The following NSG1 variants were observed in gnomAD, a reference collection of about 807,000 sequenced individuals.
NSG1 encodes neuronal vesicle trafficking-associated protein 1.
NSG1 carries 9 observed loss-of-function variants against 19.3 expected under a neutral mutation model. The observed-to-expected ratio is 0.47, with a 90% confidence interval of 0.28 to 0.81. NSG1 has a LOEUF of 0.81. NSG1 is among the 40% of genes least tolerant of loss of function. The pLI is 0.11. For synonymous variants in NSG1, 104 were observed against 107.0 expected, an observed-to-expected ratio of 0.97 and a Z score of 0.17; for missense variants, 236 against 242.4, an observed-to-expected ratio of 0.97 and a Z score of 0.18.
intron 4 of NSG1, among the ~76,000 whole-genome samples, chr4:4,412,104 G>T (rs1389199457): frequency 6.6e-6 from 1 of 152,202 alleles, no homozygotes; most frequent in African/African-American, 2.4e-5. Context: ...GGAGGTTTCA[G>T]CTCCGTGACA....
At chr4:4,393,852 C>T (rs987438833) in intron 3 of NSG1, among the ~76,000 whole-genome samples, 1 of 152,152 alleles carries the variant, frequency 6.6e-6, no homozygotes, top group African/African-American at 2.4e-5. Flanking sequence ...AGACCCCATC[C>T]CTTCCATCTC....
At position 4,396,357 on chromosome 4, in the gene NSG1, C is replaced by T. The variant is rs1297317329; in HGVS notation, c.246+4766C>T. 5.3e-5 allele frequency among the ~76,000 whole-genome samples: 8 copies of T among 152,134 alleles called. 1 individual carries two copies. The South Asian group carries it at 1.2e-3, about 24-fold the overall frequency. ...CGTGCTTCGTGATTCCGGTGATGAC[C>T]GGTTGCTGACGCTGGAGAGGTCTCC... On this transcript the variant is annotated intron_variant, in intron 3 of 4. Transcript: ENST00000621129.
intron 4 of NSG1, among the ~76,000 whole-genome samples, chr4:4,409,972 T>A (rs1463609264): frequency 1.3e-5 from 2 of 152,118 alleles, no homozygotes; most frequent in African/African-American, 4.8e-5. Context: ...CCAGCCAGGG[T>A]CTGCCGTGGG....
At chr4:4,416,040 C>T in intron 4 of NSG1, 1 of 699,026 alleles carries the variant, frequency 1.4e-6, no homozygotes, top group Non-Finnish European at 2.6e-6. Flanking sequence ...TTTTGGCTTT[C>T]TTTTCTGTCC....
At chr4:4,412,416 T>C (rs921472981) in intron 4 of NSG1, among the ~76,000 whole-genome samples, 3 of 151,504 alleles carry the variant, frequency 2.0e-5, no homozygotes, top group African/African-American at 7.3e-5. Context: ...GCCTTGGGAA[T>C]TGAGAGTCCC....
At chr4:4,403,493 C>T (rs1723680755) in intron 3 of NSG1, among the ~76,000 whole-genome samples, 1 of 152,206 alleles carries the variant, frequency 6.6e-6, no homozygotes, top group Non-Finnish European at 1.5e-5. Flanking sequence ...CAAGTCGCCG[C>T]CTCCTCAGCA....
intron 3 of NSG1, among the ~76,000 whole-genome samples, chr4:4,402,371 A>ATTTTTTTTTTTTTTTTTTTTTTTTTTT (rs1161754574): frequency 1.9e-5 from 1 of 53,912 alleles, no homozygotes; most frequent in Non-Finnish European, 3.4e-5. Context: ...ACGCCTGGTT[A>ATTTTTTTTTTTTTTTTTTTTTTTTTTT]TTTTTTTTTT....
chr4:4,391,117 C>T (rs905695897), intron 2 of NSG1, among the ~76,000 whole-genome samples: 50 of 152,214 alleles, frequency 3.3e-4, no homozygotes, highest in African/African-American at 1.1e-3. Flanking sequence ...TCCCAGCTTC[C>T]TGGGCCAAGC....
At chr4:4,389,261 C>A (rs894742327) in intron 2 of NSG1, among the ~76,000 whole-genome samples, 2 of 152,214 alleles carry the variant, frequency 1.3e-5, no homozygotes, top group African/African-American at 4.8e-5. Context: ...GGTATGAAAT[C>A]CTCACCAACT....
chr4:4,414,921 G>A (rs1443838090), intron 4 of NSG1, among the ~76,000 whole-genome samples: 2 of 151,876 alleles, frequency 1.3e-5, no homozygotes, highest in Non-Finnish European at 2.9e-5. Context: ...GACGTGGCCC[G>A]AGAGGACACT....
intron 3 of NSG1, among the ~76,000 whole-genome samples, chr4:4,405,441 T>C (rs1723800195): frequency 6.6e-6 from 1 of 152,196 alleles, no homozygotes; most frequent in South Asian, 2.1e-4. Context: ...TGTGGTCTCT[T>C]GTCCTTCTCC....
intron 2 of NSG1, among the ~76,000 whole-genome samples, chr4:4,389,610 G>A (rs1303399543): frequency 1.3e-5 from 2 of 152,274 alleles, no homozygotes; most frequent in Non-Finnish European, 2.9e-5. Flanking sequence ...TGTCTCTCAC[G>A]TAAGACCTCT....
At chr4:4,414,016 G>T (rs1300927582) in intron 4 of NSG1, among the ~76,000 whole-genome samples, 6 of 152,112 alleles carry the variant, frequency 3.9e-5, no homozygotes, top group African/African-American at 1.4e-4. Flanking sequence ...GCAGAGGACA[G>T]CTTCCTGGGG....
At position 4,387,596 on chromosome 4, in the gene NSG1, C is replaced by A; in HGVS notation, c.-26-8C>A. The A allele has an allele frequency of 1.3e-6, 2 of 1,598,230 alleles. No homozygotes were observed. Among genetic ancestry groups the A allele is most frequent in the Non-Finnish European group, 8.5e-7 (1 of 1,171,048 alleles). On this transcript the variant is annotated splice_region_variant and splice_polypyrimidine_tract_variant and intron_variant, in intron 1 of 4. Transcript: ENST00000621129. ...TTGTGGTGACTCCCCCCGGCCCTCCCGCCGCAGGCTGCAGCCTCGGAGCTC... is the reference window on the plus strand; with the variant it reads ...TTGTGGTGACTCCCCCCGGCCCTCCAGCCGCAGGCTGCAGCCTCGGAGCTC...
chr4:4,391,280 A>T (rs529369872), intron 2 of NSG1, among the ~76,000 whole-genome samples, 195 bp from the exon 3 acceptor site: 1 of 152,232 alleles, frequency 6.6e-6, no homozygotes, highest in Non-Finnish European at 1.5e-5. Context: ...TGGGACTGCT[A>T]TCAGGATTAT....
intron 3 of NSG1, among the ~76,000 whole-genome samples, chr4:4,395,806 A>ATC (rs1215967607): frequency 6.6e-6 from 1 of 152,220 alleles, no homozygotes; most frequent in Non-Finnish European, 1.5e-5. Context: ...TCCGATCTTG[A>ATC]AGTGACAGGT....
intron 3 of NSG1, among the ~76,000 whole-genome samples, chr4:4,401,644 C>G (rs1460469952): frequency 6.6e-6 from 1 of 152,152 alleles, no homozygotes; most frequent in Admixed American, 6.5e-5. Flanking sequence ...CAGGGTGACG[C>G]TGTGGGACCG....
At chr4:4,414,967 C>A (rs1257930477) in intron 4 of NSG1, among the ~76,000 whole-genome samples, 3 of 151,890 alleles carry the variant, frequency 2.0e-5, no homozygotes, top group African/African-American at 7.3e-5. Context: ...AAAACAACAA[C>A]AACATGAAAT....
At chr4:4,399,506 G>T (rs986501696) in intron 3 of NSG1, among the ~76,000 whole-genome samples, 8 of 9,478 alleles carry the variant, frequency 8.4e-4, no homozygotes, top group African/African-American at 1.6e-3. Flanking sequence ...GCCCTTGTAA[G>T]ATATGCTTAT....
Sources: gnomAD v4.1 joint callset for allele counts (sites outside exome capture counted in the v4.1 genomes callset) on GRCh38, gnomAD v4.1.1 for gene constraint, MANE v1.5 for transcripts, NCBI Gene and HGNC (gene_info 2026-07-23, HGNC 2026-07-21) for gene names.